NDUFAF5: variants seen among roughly 807,000 people sequenced by gnomAD.
NDUFAF5 encodes the protein NADH:ubiquinone oxidoreductase complex assembly factor 5, also known as arginine-hydroxylase NDUFAF5, mitochondrial.
NDUFAF5 carries 34 observed loss-of-function variants against 48.9 expected under a neutral mutation model. That is an observed-to-expected ratio of 0.70 (90% CI 0.53 to 0.93). The LOEUF is 0.93. Ranked by LOEUF, NDUFAF5 falls within the 40% of genes least tolerant of loss-of-function variation. The pLI is 0.00. For missense variants in NDUFAF5, 428 were observed against 427.5 expected (o/e 1.00, Z -0.01); for synonymous variants, 153 against 150.6 (o/e 1.02, Z -0.12).
In NDUFAF5 at chr20:13,804,122, T is replaced by A. The variant is rs139221638; in HGVS notation, c.717+2439T>A. 2.8e-4 allele frequency among the ~76,000 whole-genome samples: 43 copies of A among 152,284 alleles called. No homozygotes were observed. The East Asian group carries it at 7.9e-3, about 28-fold the overall frequency. On this transcript the variant is annotated intron_variant, in intron 7 of 10. Coordinates refer to ENST00000378106, the MANE Select transcript of NDUFAF5 (RefSeq NM_024120.5). ...AACAAAAATAATTGAAAGGGAAGAA[T>A]GACATTGCTTCACATTTTTGCCAGT...
At chr20:13,812,910 G>T (rs1214207070) in intron 8 of NDUFAF5, 1 of 152,172 alleles carries the variant, frequency 6.6e-6, no homozygotes, top group African/African-American at 2.4e-5. Flanking sequence ...GTAGCCTTGT[G>T]CTCCTTCCAA....
chr20:13,794,719 AG>A, intron 4 of NDUFAF5, 118 bp from the exon 5 acceptor site: 5 of 734,442 alleles, frequency 6.8e-6, no homozygotes, highest in Non-Finnish European at 7.2e-6. Context: ...ACCTTTGGGA[AG>A]GGGGGTAGAA....
chr20:13,802,072 A>T (rs757566565), intron 7 of NDUFAF5, among the ~76,000 whole-genome samples: 2 of 152,118 alleles, frequency 1.3e-5, no homozygotes, highest in Non-Finnish European at 2.9e-5. Flanking sequence ...ACCACCAATA[A>T]CTACCCCCAA....
At chr20:13,805,626 T>C (rs1294934069) in intron 7 of NDUFAF5, among the ~76,000 whole-genome samples, 1 of 152,142 alleles carries the variant, frequency 6.6e-6, no homozygotes, top group African/African-American at 2.4e-5. Context: ...TACAGTTTTG[T>C]TTCTGAGGTG....
At chr20:13,804,851 A>G (rs1984764824) in intron 7 of NDUFAF5, among the ~76,000 whole-genome samples, 1 of 152,190 alleles carries the variant, frequency 6.6e-6, no homozygotes, top group Non-Finnish European at 1.5e-5. Context: ...GGTAAACTTT[A>G]GACCGTTCAA....
intron 5 of NDUFAF5, 64 bp from the exon 6 acceptor site, chr20:13,798,397 G>T: frequency 1.7e-6 from 2 of 1,154,476 alleles, no homozygotes; most frequent in Non-Finnish European, 2.6e-6. Context: ...CATTAACCTG[G>T]TGATAATTTT....
chr20:13,794,286 C>CT (rs1034061555), intron 4 of NDUFAF5, among the ~76,000 whole-genome samples: 43 of 145,802 alleles, frequency 2.9e-4, no homozygotes, highest in Admixed American at 3.4e-4. Flanking sequence ...CTTCTTTTTT[C>CT]TTTTTTTTTT....
intron 4 of NDUFAF5, among the ~76,000 whole-genome samples, chr20:13,794,500 G>A (rs985710528): frequency 3.9e-5 from 6 of 152,228 alleles, no homozygotes; most frequent in African/African-American, 9.6e-5. Context: ...GGCTGGTCTC[G>A]AACTCCTGAC....
At chr20:13,811,526 G>A (rs1985863185) in intron 8 of NDUFAF5, among the ~76,000 whole-genome samples, 1 of 152,048 alleles carries the variant, frequency 6.6e-6, no homozygotes, top group East Asian at 1.9e-4. Flanking sequence ...TGAGGGGAGT[G>A]ACTAGCCTGA....
At chr20:13,795,146 G>A (rs1013593158) in intron 5 of NDUFAF5, among the ~76,000 whole-genome samples, 1 of 152,084 alleles carries the variant, frequency 6.6e-6, no homozygotes, top group Non-Finnish European at 1.5e-5. Context: ...TACAAAAAAG[G>A]TAGCTGGGCG....
chr20:13,808,906 A>G lies in NDUFAF5; in HGVS notation c.778+4A>G. On this transcript the variant is annotated splice_donor_region_variant and intron_variant, in intron 8 of 10. Coordinates refer to ENST00000378106, the MANE Select transcript of NDUFAF5 (RefSeq NM_024120.5). Reference sequence around the variant, plus strand: ...GAATTGATGGAAGATTTACAAGGTAAGGCACTTTAAAGAATTTTTAGACTC... The same window carrying G: ...GAATTGATGGAAGATTTACAAGGTAGGGCACTTTAAAGAATTTTTAGACTC... 6.3e-7 allele frequency: 1 copy of G among 1,594,872 alleles called. No individual in the cohort carries two copies. The highest frequency in any genetic ancestry group is 8.6e-7 in the Non-Finnish European group (1 of 1,162,610).
intron 6 of NDUFAF5, 104 bp from the exon 7 acceptor site, chr20:13,801,382 A>T (rs942868046): frequency 6.0e-6 from 4 of 667,164 alleles, no homozygotes; most frequent in Non-Finnish European, 9.8e-6. Context: ...TTGGCAGAAT[A>T]AAAGTGGTTG....
chr20:13,794,617 T>C (rs1311318677), intron 4 of NDUFAF5, among the ~76,000 whole-genome samples: 3 of 152,210 alleles, frequency 2.0e-5, no homozygotes, highest in Non-Finnish European at 4.4e-5. Context: ...GTGAGGTTGG[T>C]ATCCTGTTTA....
At chr20:13,787,567 A>G (rs1981404798) in intron 2 of NDUFAF5, among the ~76,000 whole-genome samples, 1 of 152,200 alleles carries the variant, frequency 6.6e-6, no homozygotes, top group Non-Finnish European at 1.5e-5. Context: ...TGGAAGCACA[A>G]CTCGTATCTA....
chr20:13,810,273 GA>G (rs1209672644), intron 8 of NDUFAF5, among the ~76,000 whole-genome samples: 1 of 152,178 alleles, frequency 6.6e-6, no homozygotes, highest in Non-Finnish European at 1.5e-5. Context: ...AGGTGTTCCA[GA>G]AAAACACCAG....
rs559062436 is a variant in NDUFAF5 at position 13,821,106 on chromosome 20, C to T, written c.*3896C>T. On this transcript the variant is annotated 3_prime_UTR_variant, in exon 11 of 11. Coordinates refer to ENST00000378106, the MANE Select transcript of NDUFAF5 (RefSeq NM_024120.5). ...GTGAACACTGATAAGTTACTGTTAA[C>T]AAATAAGAAAATAATGCTTTGCCAT... 1.3e-5 allele frequency: 2 copies of T among 152,162 alleles called. No homozygotes were observed. Among genetic ancestry groups the T allele is most frequent in the East Asian group, 3.8e-4 (2 of 5,202 alleles). The allele number at this position is 152,162 out of a possible 1,614,324, so 9.4% of individuals were successfully genotyped here. A position where few individuals can be genotyped will look rare whatever the true frequency, so the allele number is the denominator to read the frequency against.
At chr20:13,795,021 G>A (rs1207325899) in intron 5 of NDUFAF5, 80 bp downstream of exon 5, 6 of 945,536 alleles carry the variant, frequency 6.3e-6, no homozygotes, top group Non-Finnish European at 1.0e-5. Flanking sequence ...GGCCAGGAGC[G>A]GTGGCTCACG....
rs1986634105 is a variant in NDUFAF5 at position 13,817,638 on chromosome 20, C to G, written c.*428C>G. 2.2e-6 allele frequency: 1 copy of G among 454,516 alleles called. No homozygotes were observed. The highest frequency in any genetic ancestry group is 4.4e-6 in the Non-Finnish European group (1 of 227,234). The allele number at this position is 454,516 out of a possible 1,614,324, so 28.2% of individuals were successfully genotyped here. On this transcript the variant is annotated 3_prime_UTR_variant, in exon 11 of 11. Transcript: ENST00000378106. ...AGAAGAGCATGTATCTTTATTAAAT[C>G]CCTCCTCAACTCTTTTTTTTTAAAG... is the stretch of plus-strand genomic sequence containing the variant.
rs761817731 is a variant in NDUFAF5, at chr20:13,818,299, C to A, written c.*1089C>A. 1 of 439,156 alleles carries A rather than the reference C, an allele frequency of 2.3e-6. No homozygotes were observed. The highest frequency in any genetic ancestry group is 1.6e-5 in the South Asian group (1 of 61,576). The allele number at this position is 439,156 out of a possible 1,614,324, so 27.2% of individuals were successfully genotyped here. ...TGAAAGACTAAGTTATAGTTAAAAA[C>A]CAAGATTTGTAGGAGAAAAAGAAAT... On this transcript the variant is annotated 3_prime_UTR_variant, in exon 11 of 11. Transcript: ENST00000378106.
Sources: allele counts gnomAD v4.1 joint callset (sites outside exome capture counted in the v4.1 genomes callset), GRCh38; gene constraint gnomAD v4.1.1; transcripts MANE v1.5; gene names NCBI Gene and HGNC (gene_info 2026-07-23, HGNC 2026-07-21).